CHRM2: variants seen among roughly 807,000 people sequenced by gnomAD.
CHRM2 encodes muscarinic acetylcholine receptor M2.
Under a neutral mutation model 25.0 loss-of-function variants are expected in CHRM2, and 8 were observed. That is an observed-to-expected ratio of 0.32 (90% CI 0.19 to 0.58). CHRM2 has a LOEUF of 0.58. CHRM2 is among the 20% of genes least tolerant of loss of function. The pLI, the probability that CHRM2 is intolerant of heterozygous loss-of-function variation, is 0.88. For synonymous variants in CHRM2, 202 were observed against 205.7 expected, an observed-to-expected ratio of 0.98 and a Z score of 0.15; for missense variants, 440 against 567.1, an observed-to-expected ratio of 0.78 and a Z score of 2.28.
intron 2 of CHRM2, among the ~76,000 whole-genome samples, chr7:136,895,459 A>G (rs550901688): frequency 6.2e-4 from 94 of 152,346 alleles, no homozygotes; most frequent in African/African-American, 2.2e-3. Context: ...GTTATATTTA[A>G]CAGGTAGGAC....
chr7:137,002,272 A>G (rs2131070801), intron 3 of CHRM2, among the ~76,000 whole-genome samples: 1 of 152,334 alleles, frequency 6.6e-6, no homozygotes, highest in East Asian at 1.9e-4. Context: ...AATGCAAGTT[A>G]CAAATTAACT....
chr7:137,003,154 A>G (rs1804166497), intron 3 of CHRM2, among the ~76,000 whole-genome samples: 2 of 152,114 alleles, frequency 1.3e-5, no homozygotes. Flanking sequence ...TCCCCTATAC[A>G]GCATGAAGCC....
intron 2 of CHRM2, among the ~76,000 whole-genome samples, chr7:136,991,177 G>C (rs1241627754): frequency 2.0e-5 from 3 of 151,908 alleles, no homozygotes; most frequent in Admixed American, 2.0e-4. Context: ...GATTGCCTTT[G>C]GTGTTGTATT....
intron 3 of CHRM2, among the ~76,000 whole-genome samples, chr7:136,992,623 T>A (rs7785096): frequency 6.6e-6 from 1 of 151,990 alleles, no homozygotes; most frequent in Non-Finnish European, 1.5e-5. Context: ...CTGCCCTTAA[T>A]GATGAATTTC....
At chr7:136,956,012 C>G (rs544311205) in intron 2 of CHRM2, among the ~76,000 whole-genome samples, 1 of 152,138 alleles carries the variant, frequency 6.6e-6, no homozygotes, top group East Asian at 1.9e-4. Flanking sequence ...AGTAACTTCC[C>G]TCATCCTTAT....
chr7:137,010,827 CCT>C (rs1804757008), intron 3 of CHRM2, among the ~76,000 whole-genome samples: 1 of 151,896 alleles, frequency 6.6e-6, no homozygotes, highest in Non-Finnish European at 1.5e-5. Context: ...AAACTAGCAA[CCT>C]CTGAGTGTAG....
intron 2 of CHRM2, among the ~76,000 whole-genome samples, chr7:136,897,672 T>C (rs1052806999): frequency 2.0e-5 from 3 of 151,830 alleles, no homozygotes; most frequent in Admixed American, 2.0e-4. Context: ...GAGCCATTTT[T>C]AGCAAGCATT....
At chr7:136,948,224 T>C (rs1210223758) in intron 2 of CHRM2, among the ~76,000 whole-genome samples, 1 of 151,784 alleles carries the variant, frequency 6.6e-6, no homozygotes, top group Non-Finnish European at 1.5e-5. Context: ...AATGAGAAAA[T>C]GCAGTTAAGA....
intron 2 of CHRM2, among the ~76,000 whole-genome samples, chr7:136,958,382 TTCTATTGTACTTCTTACA>T (rs1485013494): frequency 6.6e-6 from 1 of 152,142 alleles, no homozygotes; most frequent in Non-Finnish European, 1.5e-5. Context: ...CACTTCTATT[TTCTATTGTACTTCTTACA>T]TCTATTGTAA....
intron 2 of CHRM2, among the ~76,000 whole-genome samples, chr7:136,939,120 T>G (rs1429820745): frequency 6.6e-6 from 1 of 152,100 alleles, no homozygotes; most frequent in Non-Finnish European, 1.5e-5. Context: ...CATGCAGACA[T>G]CAACCTACTT....
chr7:136,915,545 T>C (rs1396087808), intron 2 of CHRM2, among the ~76,000 whole-genome samples: 1 of 151,880 alleles, frequency 6.6e-6, no homozygotes, highest in Non-Finnish European at 1.5e-5. Flanking sequence ...TATTGGAACA[T>C]GTTCTAGTTT....
At chr7:136,984,108 C>T (rs1802677358) in intron 2 of CHRM2, among the ~76,000 whole-genome samples, 3 of 152,196 alleles carry the variant, frequency 2.0e-5, no homozygotes, top group Non-Finnish European at 4.4e-5. Context: ...CTGACTGGGG[C>T]TGCTGCCTTT....
At chr7:136,914,419 A>G (rs1465195883) in intron 2 of CHRM2, 1 of 151,980 alleles carries the variant, frequency 6.6e-6, no homozygotes, top group Non-Finnish European at 1.5e-5. Flanking sequence ...TTTGGAAAGT[A>G]CTATAAGGCA....
Position 136,869,898 on chromosome 7 carries a change from A to AT in CHRM2, c.-125+481dup, listed in dbSNP as rs1795748283. On this transcript the variant is annotated intron_variant, in intron 2 of 3. Coordinates refer to ENST00000680005, the MANE Select transcript of CHRM2 (RefSeq NM_001006630.2). The surrounding 1 kb of genome is among the most constrained non-coding windows in gnomAD (Gnocchi z 4.9). Reference sequence around the variant, plus strand: ...TGACCGCGTCTTCTGTGCGTGTGGGATGGAGGCCCGGCTCGCTCGGGCTCC... The same window carrying AT: ...TGACCGCGTCTTCTGTGCGTGTGGGATTGGAGGCCCGGCTCGCTCGGGCTCC... The AT allele has an allele frequency of 6.6e-6, 1 of 152,362 alleles. No individual in the cohort carries two copies. The highest frequency in any genetic ancestry group is 1.5e-5 in the Non-Finnish European group (1 of 68,304). 9.4% of individuals were successfully genotyped at this position (152,362 alleles called of 1,614,324 possible).
At chr7:136,952,921 T>C (rs1223432578) in intron 2 of CHRM2, among the ~76,000 whole-genome samples, 4 of 152,222 alleles carry the variant, frequency 2.6e-5, no homozygotes, top group Admixed American at 2.6e-4. Flanking sequence ...TTCTTTTTTA[T>C]GGCTGCATAG....
intron 2 of CHRM2, among the ~76,000 whole-genome samples, chr7:136,977,326 T>C (rs1802168476): frequency 6.6e-6 from 1 of 152,202 alleles, no homozygotes; most frequent in Admixed American, 6.5e-5. Context: ...TAACTTCTCT[T>C]CTTAGGATTT....
Position 137,016,142 on chromosome 7 carries a change from A to C in CHRM2, c.1277A>C (p.Tyr426Ser), listed in dbSNP as rs1256583527. Residue 426 changes from tyrosine (Y) to serine (S), a missense_variant, in exon 4 of 4, where the codon TAC becomes TCC. Tyr to Ser is a moderately radical substitution (Grantham distance 144, BLOSUM62 -2). This residue lies in a region of CHRM2 where 65 missense variants were observed against 108.9 expected (regional missense o/e 0.60). Transcript: ENST00000680005. ...CCCAACACTGTGTGGACAATTGGTT[A>C]CTGGCTTTGTTACATCAACAGCACT... ...CIPNTVWTIG[Y>S]WLCYINSTIN... 1 of 1,612,802 alleles carries C rather than the reference A, an allele frequency of 6.2e-7. No homozygotes were observed. Among genetic ancestry groups the C allele is most frequent in the Non-Finnish European group, 8.5e-7 (1 of 1,179,286 alleles).
chr7:136,868,784 ACACT>A lies in CHRM2; in HGVS notation c.-487_-484del, dbSNP rs1252787240. On this transcript the variant is annotated 5_prime_UTR_variant, in exon 1 of 4. Transcript: ENST00000680005. ...CACACACACACACACAGACACACAC[ACACT>A]CACACACTCCAGGCTGCGGGTTGGC... 3.3e-5 allele frequency: 5 copies of A among 151,724 alleles called. No individual in the cohort carries two copies. Among genetic ancestry groups the A allele is most frequent in the African/African-American group, 1.2e-4 (5 of 41,262 alleles). The allele number at this position is 151,724 out of a possible 1,614,324, so 9.4% of individuals were successfully genotyped here.
intron 2 of CHRM2, among the ~76,000 whole-genome samples, chr7:136,937,138 T>C (rs551317471): frequency 6.6e-6 from 1 of 152,320 alleles, no homozygotes; most frequent in East Asian, 1.9e-4. Flanking sequence ...TAGGTAGTTT[T>C]CAATAATTTT....
Sources: allele counts gnomAD v4.1 joint callset (sites outside exome capture counted in the v4.1 genomes callset), GRCh38; gene constraint gnomAD v4.1.1; regional missense constraint gnomAD v4.1.1; non-coding constraint Gnocchi (gnomAD v3.1); transcripts MANE v1.5; gene names NCBI Gene and HGNC (gene_info 2026-07-23, HGNC 2026-07-21).